The following PICALM variants were observed in gnomAD, a reference collection of about 807,000 sequenced individuals.
PICALM encodes phosphatidylinositol binding clathrin assembly protein, also known as phosphatidylinositol-binding clathrin assembly protein.
PICALM carries 40 observed loss-of-function variants against 80.5 expected under a neutral mutation model. That is an observed-to-expected ratio of 0.50 (90% CI 0.39 to 0.65). The LOEUF (loss-of-function observed/expected upper bound fraction) is 0.65, where lower values mean the gene tolerates loss of function less well. Ranked by LOEUF, PICALM falls within the 30% of genes least tolerant of loss-of-function variation. PICALM has a pLI of 0.00. For synonymous variants in PICALM, 288 were observed against 260.3 expected (o/e 1.11, Z -1.02); for missense variants, 676 against 778.9 (o/e 0.87, Z 1.57).
chr11:86,025,045 A>G (rs1277204567), intron 3 of PICALM, among the ~76,000 whole-genome samples: 1 of 152,220 alleles, frequency 6.6e-6, no homozygotes, highest in Admixed American at 6.5e-5. Flanking sequence ...AGTAAAACAG[A>G]TCCCATTAAG....
chr11:85,980,107 C>A (rs2094397515), intron 17 of PICALM, among the ~76,000 whole-genome samples: 1 of 152,222 alleles, frequency 6.6e-6, no homozygotes, highest in African/African-American at 2.4e-5. Context: ...AATCAACACT[C>A]CTGGTGCTTT....
intron 18 of PICALM, among the ~76,000 whole-genome samples, chr11:85,975,852 C>A (rs1424366040): frequency 1.3e-5 from 2 of 152,150 alleles, no homozygotes; most frequent in Non-Finnish European, 1.5e-5. Flanking sequence ...CCACCTTGGC[C>A]TCCCAAAGTG....
chr11:86,004,620 G>C (rs900671435), intron 8 of PICALM, among the ~76,000 whole-genome samples: 3 of 151,958 alleles, frequency 2.0e-5, no homozygotes, highest in Non-Finnish European at 4.4e-5. Context: ...TGCAGACTAA[G>C]AACTGTCCGC....
chr11:86,064,209 C>G (rs1324682976), intron 1 of PICALM, among the ~76,000 whole-genome samples: 5 of 152,124 alleles, frequency 3.3e-5, no homozygotes, highest in Non-Finnish European at 7.4e-5. Flanking sequence ...ATTTCTAGAT[C>G]CAGTTCACAA....
intron 4 of PICALM, among the ~76,000 whole-genome samples, chr11:86,019,447 TTAAA>T (rs1333504501): frequency 2.0e-5 from 3 of 152,168 alleles, no homozygotes; most frequent in African/African-American, 7.2e-5. Flanking sequence ...GACTGCTCTA[TTAAA>T]TAAAAAAATT....
chr11:86,049,458 A>G (rs17159901), intron 1 of PICALM, among the ~76,000 whole-genome samples: 1,793 of 152,316 alleles, frequency 0.012, 45 homozygotes, highest in African/African-American at 0.041. Flanking sequence ...CACTGATCTT[A>G]TATCTCAAAA....
At chr11:85,993,542 G>C (rs909184551) in intron 12 of PICALM, among the ~76,000 whole-genome samples, 1 of 151,802 alleles carries the variant, frequency 6.6e-6, no homozygotes, top group Non-Finnish European at 1.5e-5. Flanking sequence ...AGGTTCAAGC[G>C]ACTCTCGTGC....
intron 12 of PICALM, among the ~76,000 whole-genome samples, chr11:85,992,853 AC>A (rs2094832092): frequency 6.6e-6 from 1 of 152,218 alleles, no homozygotes; most frequent in South Asian, 2.1e-4. Context: ...TACGTGAAAC[AC>A]CTTAGAGAAG....
chr11:85,972,029 C>G (rs1279069587), intron 19 of PICALM, among the ~76,000 whole-genome samples: 1 of 152,086 alleles, frequency 6.6e-6, no homozygotes, highest in Non-Finnish European at 1.5e-5. Context: ...GTGATCTACT[C>G]ACCTTGGCTT....
chr11:85,971,153 T>C (rs2094099447), intron 19 of PICALM, among the ~76,000 whole-genome samples: 1 of 152,226 alleles, frequency 6.6e-6, no homozygotes, highest in Middle Eastern at 3.2e-3. Flanking sequence ...AGACCAAAGC[T>C]TCTTCAAGCC....
intron 2 of PICALM, among the ~76,000 whole-genome samples, chr11:86,028,394 C>T (rs1319618361): frequency 6.6e-6 from 1 of 152,122 alleles, no homozygotes; most frequent in African/African-American, 2.4e-5. Flanking sequence ...ATATTAGAAA[C>T]TTTTCATAAC....
intron 2 of PICALM, among the ~76,000 whole-genome samples, chr11:86,030,116 T>TA (rs565583366): frequency 2.6e-5 from 4 of 152,054 alleles, no homozygotes; most frequent in South Asian, 4.1e-4. Context: ...CTAAAGATGA[T>TA]AAAAAAATAC....
intron 12 of PICALM, among the ~76,000 whole-genome samples, chr11:85,994,110 CCTAAA>C (rs752771987): frequency 2.8e-4 from 42 of 152,106 alleles, no homozygotes; most frequent in Admixed American, 1.1e-3. Flanking sequence ...TTCTATTACA[CCTAAA>C]CTAAAATCTG....
At chr11:85,974,508 T>C (rs1416148337) in intron 19 of PICALM, 200 bp downstream of exon 19, 1 of 693,544 alleles carries the variant, frequency 1.4e-6, no homozygotes, top group Non-Finnish European at 2.7e-6. Flanking sequence ...GTCTTTAGTA[T>C]TTGCTATCTA....
intron 3 of PICALM, among the ~76,000 whole-genome samples, chr11:86,024,747 A>G (rs554768392): frequency 6.6e-6 from 1 of 152,254 alleles, no homozygotes; most frequent in South Asian, 2.1e-4. Context: ...TTCTATTCAC[A>G]TTCATTTGCT....
chr11:86,027,662 C>G (rs1744674107), intron 2 of PICALM, among the ~76,000 whole-genome samples: 1 of 151,944 alleles, frequency 6.6e-6, no homozygotes, highest in Non-Finnish European at 1.5e-5. Context: ...GTAGCTGGGA[C>G]TACAGGCATG....
Position 86,026,300 on chromosome 11 carries a change from C to A in PICALM, c.341G>T (p.Gly114Val). 2 of 1,565,724 alleles carry A rather than the reference C, an allele frequency of 1.3e-6. No individual in the cohort carries two copies. Among genetic ancestry groups the A allele is most frequent in the Non-Finnish European group, 1.8e-6 (2 of 1,138,742 alleles). ...FNLSNFLDKS[G>V]LQGYDMSTFI... is the part of the protein sequence containing the mutation. ...GTAAAAGTTATCTTTACCTTGCAAT[C>A]CACTTTTATCCAAAAAATTGCTTAA... Residue 114 changes from glycine to valine, a missense_variant, in exon 3 of 20, where the codon GGA becomes GTA. By Grantham distance (109) the Gly-to-Val change is moderately radical. Coordinates refer to ENST00000393346, the MANE Select transcript of PICALM (RefSeq NM_007166.4).
At chr11:85,991,666 TAA>T (rs11310524) in intron 12 of PICALM, among the ~76,000 whole-genome samples, 4 of 141,546 alleles carry the variant, frequency 2.8e-5, no homozygotes, top group Non-Finnish European at 1.6e-5. Flanking sequence ...CAATTCACAC[TAA>T]AAAAAAAAAA....
intron 3 of PICALM, among the ~76,000 whole-genome samples, chr11:86,025,573 T>C (rs1023872335): frequency 4.6e-5 from 7 of 152,048 alleles, no homozygotes; most frequent in Admixed American, 3.9e-4. Context: ...TTGTTTGTTT[T>C]TTTGAGACAG....
Sources: gnomAD v4.1 joint callset for allele counts (sites outside exome capture counted in the v4.1 genomes callset) on GRCh38, gnomAD v4.1.1 for gene constraint, MANE v1.5 for transcripts, NCBI Gene and HGNC (gene_info 2026-07-23, HGNC 2026-07-21) for gene names.